The following RECQL5 variants were observed in gnomAD, a reference collection of about 807,000 sequenced individuals.
The protein encoded by RECQL5 is ATP-dependent DNA helicase Q5.
Under a neutral mutation model 103.4 loss-of-function variants are expected in RECQL5, and 88 were observed. The observed-to-expected ratio is 0.85, with a 90% CI of 0.72 to 1.02. The LOEUF (loss-of-function observed/expected upper bound fraction) is 1.02. RECQL5 is among the 50% of genes least tolerant of loss of function. RECQL5 has a pLI of 0.00. For missense variants in RECQL5, 1,232 were observed against 1,284.3 expected, an observed-to-expected ratio of 0.96 and a Z score of 0.62; for synonymous variants, 552 against 507.9, an observed-to-expected ratio of 1.09 and a Z score of -1.17.
chr17:75,645,353 T>C (rs2059476950), intron 8 of RECQL5, among the ~76,000 whole-genome samples: 1 of 152,216 alleles, frequency 6.6e-6, no homozygotes, highest in Non-Finnish European at 1.5e-5. Flanking sequence ...GCGCTCAGAC[T>C]GTGTGCTGCT....
Position 75,627,425 on chromosome 17 carries a change from T to A in RECQL5, c.2973A>T (p.Arg991Ser), listed in dbSNP as rs2059115894. ...ADWHGLCGPQR is the reference protein window; with the variant it reads ...ADWHGLCGPQS ...GCCCTGCCCAGCCAGCAGTTGGTCA[T>A]CTCTGGGGGCCACACAGGCCATGCC... Residue 991 changes from arginine to serine, a missense_variant, in exon 20 of 20, where the codon AGA becomes AGT. By Grantham distance (110) the Arg-to-Ser change is moderately radical (BLOSUM62 -1). Coordinates refer to ENST00000317905, the MANE Select transcript of RECQL5 (RefSeq NM_004259.7). The A allele has an allele frequency of 2.5e-6, 4 of 1,613,102 alleles. No homozygotes were observed. The highest frequency in any genetic ancestry group is 3.4e-6 in the Non-Finnish European group (4 of 1,179,790).
intron 7 of RECQL5, among the ~76,000 whole-genome samples, chr17:75,657,231 A>C (rs1276549964): frequency 6.6e-6 from 1 of 152,146 alleles, no homozygotes; most frequent in Non-Finnish European, 1.5e-5. Flanking sequence ...AAAACAAGGG[A>C]AGATTAAGCC....
intron 6 of RECQL5, 31 bp downstream of exon 6, chr17:75,660,924 C>T: frequency 6.5e-7 from 1 of 1,538,900 alleles, no homozygotes; most frequent in South Asian, 1.1e-5. Flanking sequence ...CAGGCCCAGA[C>T]CAGGAGGGCA....
intron 8 of RECQL5, among the ~76,000 whole-genome samples, chr17:75,634,693 C>T (rs2059286120): frequency 6.6e-6 from 1 of 152,204 alleles, no homozygotes; most frequent in Non-Finnish European, 1.5e-5. Context: ...AGGGGCTTGG[C>T]CCACTCACTG....
At chr17:75,664,679 G>A (rs555550001) in intron 3 of RECQL5, among the ~76,000 whole-genome samples, 5 of 152,158 alleles carry the variant, frequency 3.3e-5, no homozygotes, top group African/African-American at 7.2e-5. Flanking sequence ...TTGGGAGGCC[G>A]AGGTGGGCGG....
At chr17:75,648,498 G>A (rs111692213) in intron 8 of RECQL5, among the ~76,000 whole-genome samples, 2,686 of 151,566 alleles carry the variant, frequency 0.018, 34 homozygotes, top group Non-Finnish European at 0.029. Context: ...TCAGCCTCCC[G>A]AGTAGCTGGG....
rs113863737 is a variant in RECQL5, at chr17:75,666,033, T to G, written c.130+395A>C. On this transcript the variant is annotated intron_variant, in intron 2 of 19. Transcript: ENST00000317905. ...CCCTCACTGTTGCTGTTCGTTTGTG[T>G]GTACAAACGAACAATAATGAGAATC... Among the ~76,000 whole-genome samples, 4 of 152,330 alleles carry G rather than the reference T, an allele frequency of 2.6e-5. 1 individual carries two copies. The highest frequency in any genetic ancestry group is 9.6e-5 in the African/African-American group (4 of 41,574).
Position 75,627,348 on chromosome 17 carries a change from TCAG to T in RECQL5, c.*71_*73del. 1 of 1,114,914 alleles carries T rather than the reference TCAG, an allele frequency of 9.0e-7. No homozygotes were observed. The highest frequency in any genetic ancestry group is 1.4e-6 in the Non-Finnish European group (1 of 735,350). 69.1% of individuals were successfully genotyped at this position (1,114,914 alleles called of 1,614,324 possible). On this transcript the variant is annotated 3_prime_UTR_variant, in exon 20 of 20. Transcript: ENST00000317905. ...CTGAGAAAAGACGATGGCCCTGGCA[TCAG>T]CAGGTGAGGCCCAGGATGACCCATG...
Position 75,629,127 on chromosome 17 carries a change from G to C in RECQL5, c.2296C>G (p.Arg766Gly), listed in dbSNP as rs186857427. The C allele has an allele frequency of 1.2e-6, 2 of 1,613,766 alleles. No homozygotes were observed. The highest frequency in any genetic ancestry group is 8.5e-7 in the Non-Finnish European group (1 of 1,179,992). Residue 766 changes from arginine to glycine, a missense_variant, in exon 16 of 20, where the codon CGC (arginine) becomes GGC (glycine). By Grantham distance (125) the Arg-to-Gly change is moderately radical. Coordinates refer to ENST00000317905, the MANE Select transcript of RECQL5 (RefSeq NM_004259.7). ...CTTTCCACCCTTCGGCAGAAGAAGC[G>C]GGCGATGCTCTGAGAATCCTTGTGG... ...AAHKDSQSIARFFCRRVESPA... is the reference protein window; with the variant it reads ...AAHKDSQSIAGFFCRRVESPA...
In RECQL5 at chr17:75,631,304, G is replaced by A. The variant is rs2059208717; in HGVS notation, c.1449-55C>T. ...GGCCTGGGCTCTGCCCTCCCCATGTGTGCTGCTGCTAGAACGGCAATGTCC... is the reference window on the plus strand; with the variant it reads ...GGCCTGGGCTCTGCCCTCCCCATGTATGCTGCTGCTAGAACGGCAATGTCC... On this transcript the variant is annotated intron_variant, in intron 9 of 19. Transcript: ENST00000317905. 1.9e-6 allele frequency: 3 copies of A among 1,575,326 alleles called. No homozygotes were observed. The African/African-American group carries it at 4.0e-5, about 21-fold the overall frequency.
Position 75,649,808 on chromosome 17 carries a change from C to A in RECQL5, c.1229+1378G>T, listed in dbSNP as rs946211854. On this transcript the variant is annotated intron_variant, in intron 8 of 19. Transcript: ENST00000317905. ...AGGCACGAGGCTGCTCAAGAGGCAG[C>A]GCAACACCGTCACCTGGACTCCTTG... 6 of 985,372 alleles carry A rather than the reference C, an allele frequency of 6.1e-6. No homozygotes were observed. In the East Asian group the frequency reaches 3.4e-4, roughly 56 times the overall value. 61.0% of individuals were successfully genotyped at this position (985,372 alleles called of 1,614,324 possible).
At chr17:75,650,824 T>C (rs972292488) in intron 8 of RECQL5, 16 of 1,503,528 alleles carry the variant, frequency 1.1e-5, no homozygotes, top group Non-Finnish European at 1.4e-5. Context: ...TGAGGACTAC[T>C]CAAGTGATGC....
Position 75,662,782 on chromosome 17 carries a change from C to T in RECQL5, c.468G>A (p.Val156=), listed in dbSNP as rs1421300231. ...ATTGGGAAACACAATGAGCTTCATC[C>T]ACCACCAAGTAAGACAGCAGGTGGC... ...VSRHLLSYLV[V]DEAHCVSQWG... is the part of the protein sequence containing the mutation. Residue 156 remains valine, a synonymous_variant, in exon 4 of 20, where the codon GTG becomes GTA. Coordinates refer to ENST00000317905, the MANE Select transcript of RECQL5 (RefSeq NM_004259.7). 2.5e-6 allele frequency: 4 copies of T among 1,614,132 alleles called. No homozygotes were observed. Among genetic ancestry groups the T allele is most frequent in the Non-Finnish European group, 3.4e-6 (4 of 1,180,034 alleles).
chr17:75,650,837 G>A, intron 8 of RECQL5: 1 of 1,488,414 alleles, frequency 6.7e-7, no homozygotes, highest in Non-Finnish European at 8.9e-7. Context: ...AGTGATGCCA[G>A]AAGTCCCAGC....
At chr17:75,630,934 G>C (rs1598986123) in intron 11 of RECQL5, 40 bp downstream of exon 11, 5 of 1,609,592 alleles carry the variant, frequency 3.1e-6, no homozygotes, top group Non-Finnish European at 4.2e-6. Flanking sequence ...CCATGCCCCG[G>C]GAAGAGCCCA....
At chr17:75,661,880 G>C (rs2059704354) in intron 4 of RECQL5, among the ~76,000 whole-genome samples, 172 bp from the exon 5 acceptor site, 1 of 152,238 alleles carries the variant, frequency 6.6e-6, no homozygotes, top group Non-Finnish European at 1.5e-5. Flanking sequence ...GCAGGACCAG[G>C]CTGGATGCAA....
rs1053822460 is a variant in RECQL5, at chr17:75,658,228, C to A, written c.1149+70G>T. On this transcript the variant is annotated intron_variant, in intron 7 of 19. Coordinates refer to ENST00000317905, the MANE Select transcript of RECQL5 (RefSeq NM_004259.7). ...AGCTTACACAAGCATCATCAGAGTT[C>A]AGAAATCAGCTTCACAAAACTGGAG... 1.0e-5 allele frequency: 16 copies of A among 1,527,454 alleles called. No individual in the cohort carries two copies. In the African/African-American group the frequency reaches 2.1e-4, roughly 20 times the overall value. 94.6% of individuals were successfully genotyped at this position (1,527,454 alleles called of 1,614,324 possible). A position where few individuals can be genotyped will look rare whatever the true frequency, so the allele number is the denominator to read the frequency against.
At position 75,658,311 on chromosome 17, in the gene RECQL5, A is replaced by G; in HGVS notation, c.1136T>C (p.Val379Ala). 1 of 1,613,656 alleles carries G rather than the reference A, an allele frequency of 6.2e-7. No homozygotes were observed. The stretch of plus-strand genomic sequence containing the variant: ...CCCAAGCCTTACCTGGAGTTTTGCT[A>G]CTTCCTTCCTGATCAGGAAGCTGAC... ...DQVSFLIRKE[V>A]AKLQEKRGNK... The change falls in exon 7 of 20, where the codon GTA becomes GCA. Residue 379 changes from valine to alanine, a missense_variant. Physicochemically the swap from Val to Ala is moderately conservative, Grantham distance 64. Coordinates refer to ENST00000317905, the MANE Select transcript of RECQL5 (RefSeq NM_004259.7).
intron 4 of RECQL5, 143 bp downstream of exon 4, chr17:75,662,336 A>G (rs1434642602): frequency 1.2e-5 from 11 of 946,136 alleles, no homozygotes; most frequent in Non-Finnish European, 1.8e-5. Context: ...AGGAAACCAA[A>G]GAGACAACTC....
Sources: gnomAD v4.1 joint callset for allele counts (sites outside exome capture counted in the v4.1 genomes callset) on GRCh38, gnomAD v4.1.1 for gene constraint, MANE v1.5 for transcripts, NCBI Gene and HGNC (gene_info 2026-07-23, HGNC 2026-07-21) for gene names.